PKNOX2: variants seen among roughly 807,000 people sequenced by gnomAD.
PKNOX2 encodes homeobox protein PKNOX2.
In PKNOX2, 14 loss-of-function variants were observed where a neutral mutation model predicts 53.1. The observed-to-expected ratio is 0.26, with a 90% CI of 0.17 to 0.41. The LOEUF (loss-of-function observed/expected upper bound fraction) is 0.41, where lower values mean the gene tolerates loss of function less well. PKNOX2 is among the 10% of genes least tolerant of loss of function. The pLI is 1.00. For synonymous variants in PKNOX2, 257 were observed against 242.8 expected, an observed-to-expected ratio of 1.06 and a Z score of -0.54; for missense variants, 496 against 602.8, an observed-to-expected ratio of 0.82 and a Z score of 1.85.
chr11:125,362,488 C>G (rs1951978086), intron 4 of PKNOX2, among the ~76,000 whole-genome samples: 1 of 152,150 alleles, frequency 6.6e-6, no homozygotes. Flanking sequence ...ATCCTCCTGC[C>G]TCAGCCTCTC....
chr11:125,347,537 G>A (rs1487161037), intron 3 of PKNOX2, among the ~76,000 whole-genome samples: 1 of 152,164 alleles, frequency 6.6e-6, no homozygotes, highest in African/African-American at 2.4e-5. Context: ...CGACCTGGTG[G>A]TGCAGGGCTG....
intron 2 of PKNOX2, among the ~76,000 whole-genome samples, chr11:125,283,429 C>T (rs759915069): frequency 1.4e-4 from 22 of 152,220 alleles, no homozygotes; most frequent in Non-Finnish European, 8.8e-5. Context: ...GTTGAAGCTT[C>T]CTCCTCCTCT....
rs141056189 is a variant in PKNOX2, at chr11:125,294,549, T to A, written c.-129-37270T>A. On this transcript the variant is annotated intron_variant, in intron 2 of 12. Transcript: ENST00000298282. ...GACAGGGTTGGGTGGAGAGGCGGCA[T>A]GGCAGGGCATTTGCCGGTGAGTAGA... Among the ~76,000 whole-genome samples the A allele has an allele frequency of 3.5e-4, 54 of 152,278 alleles. No homozygotes were observed. In the Middle Eastern group the frequency reaches 0.01, roughly 29 times the overall value.
At chr11:125,416,324 A>G (rs1001318088) in intron 10 of PKNOX2, among the ~76,000 whole-genome samples, 44 of 148,066 alleles carry the variant, frequency 3.0e-4, no homozygotes, top group Non-Finnish European at 5.6e-4. Flanking sequence ...AAAAAAAAAA[A>G]AAAGAAAGTG....
intron 5 of PKNOX2, among the ~76,000 whole-genome samples, chr11:125,375,330 C>T (rs1372867025): frequency 1.3e-5 from 2 of 152,152 alleles, no homozygotes; most frequent in African/African-American, 2.4e-5. Context: ...GCAACAGTCT[C>T]GTGGCTCCCA....
At chr11:125,397,397 A>C (rs1267240337) in intron 6 of PKNOX2, among the ~76,000 whole-genome samples, 1 of 152,246 alleles carries the variant, frequency 6.6e-6, no homozygotes, top group Non-Finnish European at 1.5e-5. Context: ...CTGGTCCTTC[A>C]CACCTCACAA....
At chr11:125,351,987 G>GC (rs1484181067) in intron 4 of PKNOX2, among the ~76,000 whole-genome samples, 2 of 151,432 alleles carry the variant, frequency 1.3e-5, no homozygotes, top group Non-Finnish European at 2.9e-5. Context: ...AGACACAGCC[G>GC]CCCCCCAAGA....
chr11:125,415,581 T>G (rs1955829339), intron 10 of PKNOX2, among the ~76,000 whole-genome samples: 1 of 152,132 alleles, frequency 6.6e-6, no homozygotes, highest in Admixed American at 6.5e-5. Context: ...GGTTCGAAGC[T>G]TCTCCCAAAC....
At chr11:125,413,728 G>A (rs1353478186) in intron 10 of PKNOX2, among the ~76,000 whole-genome samples, 1 of 152,148 alleles carries the variant, frequency 6.6e-6, no homozygotes, top group Admixed American at 6.5e-5. Flanking sequence ...CAGGACCCTG[G>A]CCCACTGAAT....
intron 10 of PKNOX2, among the ~76,000 whole-genome samples, chr11:125,425,801 G>T (rs529963041): frequency 4.6e-4 from 70 of 152,298 alleles, no homozygotes; most frequent in African/African-American, 1.6e-3. Flanking sequence ...GAGCTGGACT[G>T]CTCCCATGAC....
intron 1 of PKNOX2, among the ~76,000 whole-genome samples, chr11:125,231,146 G>A (rs959941303): frequency 6.6e-6 from 1 of 152,148 alleles, no homozygotes; most frequent in Non-Finnish European, 1.5e-5. Context: ...ACAGAGTCAG[G>A]GCATGAATCC....
At chr11:125,178,577 G>GGAAAGAAAGAAAGAAAGAAA (rs1317090688) in intron 1 of PKNOX2, among the ~76,000 whole-genome samples, 4 of 34,098 alleles carry the variant, frequency 1.2e-4, no homozygotes, top group African/African-American at 7.5e-4. Context: ...AAGGAAGGAA[G>GGAAAGAAAGAAAGAAAGAAA]GAAGGAAGGA....
intron 3 of PKNOX2, among the ~76,000 whole-genome samples, chr11:125,339,192 G>C (rs544311709): frequency 1.3e-5 from 2 of 152,188 alleles, no homozygotes; most frequent in Non-Finnish European, 2.9e-5. Flanking sequence ...CTCCGTCCTC[G>C]CACTTCTGTT....
chr11:125,367,039 C>T (rs748488754), intron 4 of PKNOX2, among the ~76,000 whole-genome samples: 27 of 152,156 alleles, frequency 1.8e-4, no homozygotes, highest in Non-Finnish European at 3.7e-4. Context: ...GGCTTATCAT[C>T]ATTCACACTT....
intron 2 of PKNOX2, among the ~76,000 whole-genome samples, chr11:125,261,467 T>G (rs551479727): frequency 7.2e-5 from 11 of 152,324 alleles, no homozygotes; most frequent in African/African-American, 2.6e-4. Flanking sequence ...TTGTCTCTGT[T>G]GCATGTGGTA....
chr11:125,309,217 TCTCTCTTTCTTCCTTCCTTC>T lies in PKNOX2; in HGVS notation c.-129-22584_-129-22565del, dbSNP rs1226241534. On this transcript the variant is annotated intron_variant, in intron 2 of 12. Transcript: ENST00000298282. ...CTTCCTCTCTCTTCCTTCCTTTCTCTCTCTCTTTCTTCCTTCCTTCCTCTCTTTCTTCCTTCCATCCTTGC... is the reference window on the plus strand; with the variant it reads ...CTTCCTCTCTCTTCCTTCCTTTCTCTCTCTCTTTCTTCCTTCCATCCTTGC... Among the ~76,000 whole-genome samples, 327 of 149,296 alleles carry T rather than the reference TCTCTCTTTCTTCCTTCCTTC, an allele frequency of 2.2e-3. 1 individual carries two copies. The highest frequency in any genetic ancestry group is 7.8e-3 in the African/African-American group (311 of 39,752).
intron 2 of PKNOX2, among the ~76,000 whole-genome samples, chr11:125,293,203 TACAC>T (rs368853434): frequency 4.6e-5 from 7 of 151,678 alleles, no homozygotes; most frequent in African/African-American, 1.5e-4. Context: ...CACACACAAA[TACAC>T]ACACACACAA....
At chr11:125,392,909 A>G (rs541832794) in intron 6 of PKNOX2, among the ~76,000 whole-genome samples, 1 of 152,284 alleles carries the variant, frequency 6.6e-6, no homozygotes, top group African/African-American at 2.4e-5. Flanking sequence ...CTGTAATCCC[A>G]GCACTTTGGG....
Position 125,221,104 on chromosome 11 carries a change from G to A in PKNOX2, c.-200-13941G>A, listed in dbSNP as rs138165504. ...TGGGAGGTGGAGGTTGCAGTGAGCC[G>A]AGATCGCGCCACTGCACTCCAGCCT... On this transcript the variant is annotated intron_variant, in intron 1 of 12. Transcript: ENST00000298282. Among the ~76,000 whole-genome samples the A allele has an allele frequency of 9.3e-3, 1,421 of 152,182 alleles. 29 individuals are homozygous for A. The highest frequency in any genetic ancestry group is 0.032 in the African/African-American group (1,340 of 41,512).
Sources: allele counts gnomAD v4.1 joint callset (sites outside exome capture counted in the v4.1 genomes callset), GRCh38; gene constraint gnomAD v4.1.1; transcripts MANE v1.5; gene names NCBI Gene and HGNC (gene_info 2026-07-23, HGNC 2026-07-21).